CA10: variants seen among roughly 807,000 people sequenced by gnomAD.
CA10 encodes the protein carbonic anhydrase-related protein 10.
Under a neutral mutation model 44.2 loss-of-function variants are expected in CA10, and 14 were observed. The observed-to-expected ratio is 0.32, with a 90% CI of 0.21 to 0.50. The LOEUF is 0.50. CA10 is among the 20% of genes least tolerant of loss of function. The pLI is 0.99. For missense variants in CA10, 350 were observed against 409.7 expected, an observed-to-expected ratio of 0.85 and a Z score of 1.26; for synonymous variants, 159 against 141.6, an observed-to-expected ratio of 1.12 and a Z score of -0.87.
rs752079656 is a variant in CA10, at chr17:51,677,121, A to G, written c.466-23385T>C. Among the ~76,000 whole-genome samples the G allele has an allele frequency of 8.3e-4, 126 of 152,232 alleles. 1 individual carries two copies. The highest frequency in any genetic ancestry group is 1.4e-3 in the Non-Finnish European group (97 of 68,044). On this transcript the variant is annotated intron_variant, in intron 4 of 8. Coordinates refer to ENST00000451037, the MANE Select transcript of CA10 (RefSeq NM_020178.5). ...TTCTGATTCTGCTACTTGAGCCTGC[A>G]AAATGGGTTAATAATATCTACTATG...
chr17:51,804,025 C>T (rs1022668879), intron 3 of CA10, among the ~76,000 whole-genome samples: 3 of 152,166 alleles, frequency 2.0e-5, no homozygotes, highest in South Asian at 4.1e-4. Flanking sequence ...CTCTATCCCC[C>T]AGTTTCTTCA....
At chr17:51,757,363 G>T (rs1427631484) in intron 3 of CA10, among the ~76,000 whole-genome samples, 1 of 152,192 alleles carries the variant, frequency 6.6e-6, no homozygotes, top group African/African-American at 2.4e-5. Flanking sequence ...AAACTTAGGG[G>T]CGTATGGATT....
At chr17:52,091,931 T>G (rs1166147309) in intron 1 of CA10, among the ~76,000 whole-genome samples, 1 of 152,214 alleles carries the variant, frequency 6.6e-6, no homozygotes, top group Non-Finnish European at 1.5e-5. Flanking sequence ...TAAAATGGGA[T>G]AAATGTTACC....
chr17:51,961,230 G>C (rs545901903), intron 2 of CA10, among the ~76,000 whole-genome samples: 1 of 137,596 alleles, frequency 7.3e-6, no homozygotes, highest in East Asian at 2.3e-4. Flanking sequence ...CACACACAGA[G>C]TTTCTTTTGT....
intron 4 of CA10, among the ~76,000 whole-genome samples, chr17:51,657,843 C>G (rs933490254): frequency 6.6e-6 from 1 of 152,162 alleles, no homozygotes; most frequent in African/African-American, 2.4e-5. Flanking sequence ...AGAGCAAACT[C>G]TTCGGGGGCT....
At chr17:51,636,458 C>T (rs1567783062) in intron 6 of CA10, among the ~76,000 whole-genome samples, 1 of 152,180 alleles carries the variant, frequency 6.6e-6, no homozygotes, top group Non-Finnish European at 1.5e-5. Context: ...AAAGAAGTCA[C>T]ATGGTTAAGG....
chr17:51,653,461 A>G (rs1913653897), intron 5 of CA10, among the ~76,000 whole-genome samples, 180 bp downstream of exon 5: 1 of 152,094 alleles, frequency 6.6e-6, no homozygotes, highest in African/African-American at 2.4e-5. Flanking sequence ...TCATTTTTGC[A>G]TCTCACTGCA....
At chr17:51,636,138 A>G in intron 6 of CA10, 129 bp from the exon 7 acceptor site, 1 of 489,342 alleles carries the variant, frequency 2.0e-6, no homozygotes, top group Non-Finnish European at 3.4e-6. Context: ...ATATATATGT[A>G]TTTCTTTTGG....
chr17:51,696,181 T>G (rs1347237930), intron 4 of CA10, among the ~76,000 whole-genome samples: 1 of 152,188 alleles, frequency 6.6e-6, no homozygotes, highest in Non-Finnish European at 1.5e-5. Flanking sequence ...GCTGGCTTTG[T>G]AGAAAGAGTT....
In CA10 at chr17:51,979,454, T is replaced by C. The variant is rs142243163; in HGVS notation, c.137-48322A>G. 2.6e-3 allele frequency among the ~76,000 whole-genome samples: 403 copies of C among 152,248 alleles called. 3 individuals carry two copies. The highest frequency in any genetic ancestry group is 9.3e-3 in the African/African-American group (387 of 41,564). On this transcript the variant is annotated intron_variant, in intron 2 of 8. Coordinates refer to ENST00000451037, the MANE Select transcript of CA10 (RefSeq NM_020178.5). ...CCCAGGTATTAAACCTAGTACCCAATAGCTATCTTTTCTGCTCCTCTCCCT... is the reference window on the plus strand; with the variant it reads ...CCCAGGTATTAAACCTAGTACCCAACAGCTATCTTTTCTGCTCCTCTCCCT...
At chr17:52,002,708 G>A (rs904860118) in intron 2 of CA10, among the ~76,000 whole-genome samples, 18 of 151,926 alleles carry the variant, frequency 1.2e-4, no homozygotes, top group African/African-American at 4.3e-4. Flanking sequence ...GTTTCAAAAA[G>A]GGAAAGGAAG....
chr17:51,765,713 G>GTGTGTT (rs1905352348), intron 3 of CA10, among the ~76,000 whole-genome samples: 1 of 146,032 alleles, frequency 6.8e-6, no homozygotes, highest in Non-Finnish European at 1.5e-5. Flanking sequence ...GTGTGTGTGT[G>GTGTGTT]TGTGTGTGTG....
At chr17:51,893,338 T>C (rs555292932) in intron 3 of CA10, among the ~76,000 whole-genome samples, 141 of 152,202 alleles carry the variant, frequency 9.3e-4, no homozygotes, top group Non-Finnish European at 1.5e-3. Context: ...TGCAGAAACA[T>C]AGCAACCATG....
intron 2 of CA10, among the ~76,000 whole-genome samples, chr17:51,951,353 C>T (rs73350237): frequency 0.01 from 1,587 of 152,238 alleles, 32 homozygotes; most frequent in African/African-American, 0.036. Context: ...CCCAAGGAAG[C>T]AAAGCCTTGG....
At chr17:52,073,765 A>G (rs988822117) in intron 1 of CA10, among the ~76,000 whole-genome samples, 1 of 152,142 alleles carries the variant, frequency 6.6e-6, no homozygotes, top group Non-Finnish European at 1.5e-5. Flanking sequence ...GTTGGAAGCC[A>G]ATGCATCTGC....
chr17:51,661,804 C>T (rs1914018580), intron 4 of CA10: 1 of 152,182 alleles, frequency 6.6e-6, no homozygotes, highest in Non-Finnish European at 1.5e-5. Flanking sequence ...GAAATGCATT[C>T]CGAATGGCTC....
At chr17:51,751,738 G>T (rs188172368) in intron 3 of CA10, among the ~76,000 whole-genome samples, 64 of 152,290 alleles carry the variant, frequency 4.2e-4, no homozygotes, top group Admixed American at 3.7e-3. Flanking sequence ...CTAGACATGA[G>T]GAGAATGCAA....
At chr17:52,094,686 T>C (rs1029972684) in intron 1 of CA10, among the ~76,000 whole-genome samples, 5 of 152,148 alleles carry the variant, frequency 3.3e-5, no homozygotes, top group African/African-American at 1.2e-4. Flanking sequence ...AGATCCTTGA[T>C]AAAGGAGAAT....
chr17:51,644,937 T>TCC (rs1913257825), intron 6 of CA10, among the ~76,000 whole-genome samples: 1 of 151,874 alleles, frequency 6.6e-6, no homozygotes, highest in Non-Finnish European at 1.5e-5. Flanking sequence ...TAGCTGGAAT[T>TCC]ACAGGCGCGC....
Sources: gnomAD v4.1 joint callset for allele counts (sites outside exome capture counted in the v4.1 genomes callset) on GRCh38, gnomAD v4.1.1 for gene constraint, MANE v1.5 for transcripts, NCBI Gene and HGNC (gene_info 2026-07-23, HGNC 2026-07-21) for gene names.